Variants in MACROD1 observed in about 807,000 individuals in gnomAD.
The protein encoded by MACROD1 is ADP-ribose glycohydrolase MACROD1.
Under a neutral mutation model 41.4 loss-of-function variants are expected in MACROD1, and 31 were observed. The ratio of observed to expected loss-of-function variants is 0.75; its 90% CI spans 0.56 to 1.01. MACROD1 has a LOEUF of 1.01. Ranked by LOEUF, MACROD1 falls within the 50% of genes least tolerant of loss-of-function variation. The pLI is 0.00. For synonymous variants in MACROD1, 252 were observed against 203.4 expected, an observed-to-expected ratio of 1.24 and a Z score of -2.03; for missense variants, 473 against 460.0, an observed-to-expected ratio of 1.03 and a Z score of -0.26.
At chr11:64,044,744 T>A (rs889173110) in intron 3 of MACROD1, among the ~76,000 whole-genome samples, 2 of 152,116 alleles carry the variant, frequency 1.3e-5, no homozygotes, top group Non-Finnish European at 2.9e-5. Flanking sequence ...CACCAGCACC[T>A]GAGCTTTGGT....
intron 3 of MACROD1, among the ~76,000 whole-genome samples, chr11:64,020,982 G>A (rs1187345163): frequency 3.3e-5 from 5 of 152,052 alleles, no homozygotes; most frequent in Non-Finnish European, 5.9e-5. Flanking sequence ...CTCCCAAAGC[G>A]CTAGGATTAC....
At chr11:64,004,034 C>T (rs931611179) in intron 4 of MACROD1, among the ~76,000 whole-genome samples, 8 of 152,242 alleles carry the variant, frequency 5.3e-5, no homozygotes, top group Non-Finnish European at 1.2e-4. Context: ...CTCTGCCTGC[C>T]CTCGCCTGAG....
Position 64,119,211 on chromosome 11 carries a change from G to A in MACROD1, c.517+32028C>T, listed in dbSNP as rs116938086. On this transcript the variant is annotated intron_variant, in intron 3 of 10. Coordinates refer to ENST00000255681, the MANE Select transcript of MACROD1 (RefSeq NM_014067.4). Reference sequence around the variant, plus strand: ...AAATCCTTGAGTAAGTAGACCGTGTGTTGGGGATGGGAGTGAGGTGGGGGA... The same window carrying A: ...AAATCCTTGAGTAAGTAGACCGTGTATTGGGGATGGGAGTGAGGTGGGGGA... 450 of 166,002 alleles carry A rather than the reference G, an allele frequency of 2.7e-3. 1 individual carries two copies. The highest frequency in any genetic ancestry group is 0.018 in the East Asian group (96 of 5,332). The allele number at this position is 166,002 out of a possible 1,614,324, so 10.3% of individuals were successfully genotyped here. A position where few individuals can be genotyped will look rare whatever the true frequency, so the allele number is the denominator to read the frequency against.
chr11:64,020,572 C>G (rs1943139916), intron 3 of MACROD1, among the ~76,000 whole-genome samples: 1 of 152,088 alleles, frequency 6.6e-6, no homozygotes, highest in South Asian at 2.1e-4. Context: ...TGCTCTCCAG[C>G]CCCAGACCCT....
At chr11:64,071,835 C>A (rs1015625830) in intron 3 of MACROD1, among the ~76,000 whole-genome samples, 1 of 152,130 alleles carries the variant, frequency 6.6e-6, no homozygotes, top group Non-Finnish European at 1.5e-5. Context: ...GGCATCGAGA[C>A]TCACCCAGGC....
chr11:64,117,466 C>T, intron 3 of MACROD1: 1 of 1,612,964 alleles, frequency 6.2e-7, no homozygotes, highest in Non-Finnish European at 8.5e-7. Flanking sequence ...AGCAACCACG[C>T]CTCTGCCACC....
intron 3 of MACROD1, among the ~76,000 whole-genome samples, chr11:64,063,455 G>A (rs2134443551): frequency 6.6e-6 from 1 of 152,224 alleles, no homozygotes; most frequent in Non-Finnish European, 1.5e-5. Flanking sequence ...GTGGCGAATT[G>A]TGCTTTTCTT....
chr11:64,117,635 G>T lies in MACROD1; in HGVS notation c.517+33604C>A, dbSNP rs1395376914. 3.7e-6 allele frequency: 6 copies of T among 1,613,706 alleles called. No individual in the cohort carries two copies. The highest frequency in any genetic ancestry group is 5.1e-6 in the Non-Finnish European group (6 of 1,180,046). On this transcript the variant is annotated intron_variant, in intron 3 of 10. Transcript: ENST00000255681. ...CAGACTCCATCCGCATCACGTGGAAGGCCACGCTCCCCGCCTCCTCTTTCC... is the reference window on the plus strand; with the variant it reads ...CAGACTCCATCCGCATCACGTGGAATGCCACGCTCCCCGCCTCCTCTTTCC...
At chr11:64,023,224 C>T (rs1428484486) in intron 3 of MACROD1, among the ~76,000 whole-genome samples, 1 of 152,064 alleles carries the variant, frequency 6.6e-6, no homozygotes, top group Non-Finnish European at 1.5e-5. Flanking sequence ...GATGGGGAAA[C>T]TGAGGCCCAG....
chr11:64,026,316 C>G (rs867948967), intron 3 of MACROD1, among the ~76,000 whole-genome samples: 65 of 152,262 alleles, frequency 4.3e-4, no homozygotes, highest in Middle Eastern at 3.4e-3. Flanking sequence ...TGAGCCACTG[C>G]GCTCGGCCTC....
chr11:64,072,648 T>C (rs1435903179), intron 3 of MACROD1, among the ~76,000 whole-genome samples: 2 of 152,168 alleles, frequency 1.3e-5, no homozygotes, highest in Non-Finnish European at 2.9e-5. Context: ...CTCGCCCCCA[T>C]GCCCTGGTTA....
At chr11:64,062,364 T>C (rs1943921225) in intron 3 of MACROD1, among the ~76,000 whole-genome samples, 1 of 152,160 alleles carries the variant, frequency 6.6e-6, no homozygotes, top group Non-Finnish European at 1.5e-5. Flanking sequence ...CTCAGACATA[T>C]GCAGAGGCCC....
chr11:64,057,557 G>C (rs1252373689), intron 3 of MACROD1, among the ~76,000 whole-genome samples: 1 of 152,196 alleles, frequency 6.6e-6, no homozygotes, highest in African/African-American at 2.4e-5. Context: ...TTACAGATGA[G>C]AGAGGGGCTG....
At chr11:64,049,280 A>G (rs538995141) in intron 3 of MACROD1, among the ~76,000 whole-genome samples, 63 of 152,278 alleles carry the variant, frequency 4.1e-4, no homozygotes, top group African/African-American at 1.5e-3. Flanking sequence ...GAGAAGCGAA[A>G]AAGGGACTGG....
At chr11:64,151,490 T>C (rs1190920346) in intron 2 of MACROD1, 135 bp from the exon 3 acceptor site, 2 of 650,474 alleles carry the variant, frequency 3.1e-6, no homozygotes, top group Non-Finnish European at 5.5e-6. Flanking sequence ...CGATGACTGC[T>C]GACCCAGTAC....
chr11:64,083,371 G>T (rs1944336395), intron 3 of MACROD1, among the ~76,000 whole-genome samples: 1 of 152,210 alleles, frequency 6.6e-6, no homozygotes, highest in African/African-American at 2.4e-5. Context: ...AGGAAGTGGA[G>T]ATTGCCATGA....
intron 3 of MACROD1, among the ~76,000 whole-genome samples, chr11:64,114,938 G>T (rs1944949018): frequency 6.6e-6 from 1 of 152,208 alleles, no homozygotes; most frequent in African/African-American, 2.4e-5. Flanking sequence ...CAGGAATAGA[G>T]AAGGACAGAG....
At chr11:64,154,521 G>A in intron 1 of MACROD1, among the ~76,000 whole-genome samples, 1 of 151,938 alleles carries the variant, frequency 6.6e-6, no homozygotes, top group East Asian at 1.9e-4. Flanking sequence ...ATGGATCCTG[G>A]GAACATAAAT....
At chr11:63,999,936 C>G in intron 5 of MACROD1, 173 bp from the exon 6 acceptor site, 2 of 739,744 alleles carry the variant, frequency 2.7e-6, no homozygotes, top group South Asian at 3.7e-5. Flanking sequence ...AATCCGCACG[C>G]GCACAGAGCC....
Sources: gnomAD v4.1 joint callset for allele counts (sites outside exome capture counted in the v4.1 genomes callset) on GRCh38, gnomAD v4.1.1 for gene constraint, MANE v1.5 for transcripts, NCBI Gene and HGNC (gene_info 2026-07-23, HGNC 2026-07-21) for gene names.